DGKI: variants seen among roughly 807,000 people sequenced by gnomAD.
The protein encoded by DGKI is diacylglycerol kinase iota.
A neutral mutation model predicts 147.5 loss-of-function variants in DGKI; 55 were observed. The observed-to-expected ratio is 0.37, with a 90% CI of 0.30 to 0.47. The LOEUF is 0.47. Ranked by LOEUF, DGKI falls within the 20% of genes least tolerant of loss-of-function variation. The pLI is 1.00. For missense variants in DGKI, 1,007 were observed against 1,323.8 expected (o/e 0.76, Z 3.71); for synonymous variants, 469 against 477.1 (o/e 0.98, Z 0.22).
intron 26 of DGKI, among the ~76,000 whole-genome samples, chr7:137,464,256 CAAAAAAAAAAAAA>C (rs58290482): frequency 1.3e-4 from 6 of 47,758 alleles, no homozygotes; most frequent in East Asian, 6.7e-4. Flanking sequence ...GACTCCATCT[CAAAAAAAAAAAAA>C]AAAAAAAAAG....
intron 21 of DGKI, among the ~76,000 whole-genome samples, chr7:137,520,196 T>A (rs1448511563): frequency 6.6e-6 from 1 of 152,084 alleles, no homozygotes; most frequent in East Asian, 1.9e-4. Flanking sequence ...GCTAAAAATT[T>A]CAAATGTGTC....
intron 5 of DGKI, among the ~76,000 whole-genome samples, chr7:137,647,320 T>C (rs1821860721): frequency 6.6e-6 from 1 of 152,136 alleles, no homozygotes; most frequent in Non-Finnish European, 1.5e-5. Flanking sequence ...TCTCTCTGAC[T>C]CCTCCCTTGC....
intron 1 of DGKI, among the ~76,000 whole-genome samples, chr7:137,831,649 C>T (rs926590313): frequency 2.6e-5 from 4 of 152,208 alleles, no homozygotes; most frequent in African/African-American, 9.6e-5. Flanking sequence ...GGTGGGGACA[C>T]AGAGCCAAAC....
intron 30 of DGKI, among the ~76,000 whole-genome samples, chr7:137,403,938 G>T (rs1156242030): frequency 6.6e-6 from 1 of 151,790 alleles, no homozygotes; most frequent in Non-Finnish European, 1.5e-5. Context: ...GCCATAGTCT[G>T]GTATACATCC....
At chr7:137,488,565 G>A (rs561298507) in intron 21 of DGKI, among the ~76,000 whole-genome samples, 1 of 152,042 alleles carries the variant, frequency 6.6e-6, no homozygotes, top group East Asian at 1.9e-4. Context: ...ACAATTACAC[G>A]ATTAAATCCA....
intron 19 of DGKI, 29 bp from the exon 20 acceptor site, chr7:137,552,597 A>C (rs756593115): frequency 2.1e-5 from 34 of 1,611,164 alleles, no homozygotes; most frequent in Non-Finnish European, 2.9e-5. Context: ...AAGGGGAGCA[A>C]GGAGTTAGTT....
At chr7:137,549,046 T>C (rs1817958699) in intron 20 of DGKI, among the ~76,000 whole-genome samples, 1 of 151,868 alleles carries the variant, frequency 6.6e-6, no homozygotes, top group South Asian at 2.1e-4. Context: ...CTAACACAGG[T>C]GTATAGAAGT....
At chr7:137,785,952 G>A (rs140749228) in intron 1 of DGKI, among the ~76,000 whole-genome samples, 1,982 of 152,102 alleles carry the variant, frequency 0.013, 50 homozygotes, top group African/African-American at 0.044. Context: ...CAGCAAAATC[G>A]GCATAGAAGG....
At chr7:137,549,546 T>A (rs1333156890) in intron 20 of DGKI, among the ~76,000 whole-genome samples, 2 of 152,184 alleles carry the variant, frequency 1.3e-5, no homozygotes, top group East Asian at 1.9e-4. Context: ...TTTCGACTAG[T>A]TCTCCTCAAG....
intron 1 of DGKI, chr7:137,722,888 T>A: frequency 1.7e-6 from 1 of 594,122 alleles, no homozygotes. Context: ...GTTGACTACG[T>A]TAAAAAAAAA....
chr7:137,588,436 C>G (rs1644073626), intron 12 of DGKI, among the ~76,000 whole-genome samples: 1 of 149,978 alleles, frequency 6.7e-6, no homozygotes, highest in Non-Finnish European at 1.5e-5. Flanking sequence ...AGATTGCTCT[C>G]CAGGAGTTCA....
intron 1 of DGKI, chr7:137,722,196 G>C: frequency 6.2e-7 from 1 of 1,601,242 alleles, no homozygotes; most frequent in Non-Finnish European, 8.5e-7. Context: ...CCATGTACAA[G>C]AGGAAGTACT....
At chr7:137,775,849 A>T (rs1206167698) in intron 1 of DGKI, among the ~76,000 whole-genome samples, 2 of 152,124 alleles carry the variant, frequency 1.3e-5, no homozygotes, top group Non-Finnish European at 2.9e-5. Flanking sequence ...AGATGTCAAA[A>T]GTATATTCTT....
chr7:137,633,653 G>A (rs770886129), intron 6 of DGKI, among the ~76,000 whole-genome samples: 11 of 152,154 alleles, frequency 7.2e-5, no homozygotes, highest in Non-Finnish European at 1.3e-4. Flanking sequence ...AATGGTGCCT[G>A]AATATCACAA....
At chr7:137,554,332 A>C (rs1397038131) in intron 19 of DGKI, among the ~76,000 whole-genome samples, 3 of 152,184 alleles carry the variant, frequency 2.0e-5, no homozygotes, top group Non-Finnish European at 4.4e-5. Context: ...TAAGAGCCCT[A>C]ATAGAAAGCC....
At chr7:137,596,463 G>T (rs1191588509) in intron 12 of DGKI, among the ~76,000 whole-genome samples, 2 of 152,136 alleles carry the variant, frequency 1.3e-5, no homozygotes, top group Admixed American at 6.5e-5. Flanking sequence ...ACTAAAGAAA[G>T]TTGGGAAATT....
chr7:137,440,942 T>A (rs1287595693), intron 28 of DGKI, among the ~76,000 whole-genome samples: 3 of 152,188 alleles, frequency 2.0e-5, no homozygotes, highest in Non-Finnish European at 4.4e-5. Flanking sequence ...CTCCTCACCC[T>A]GATGTAATAA....
chr7:137,754,819 GCC>G (rs1172554418), intron 1 of DGKI, among the ~76,000 whole-genome samples: 1 of 152,144 alleles, frequency 6.6e-6, no homozygotes. Context: ...GACAGCCACA[GCC>G]CTGCTTGAGT....
chr7:137,463,041 T>C (rs1814510106), intron 27 of DGKI, among the ~76,000 whole-genome samples: 1 of 151,860 alleles, frequency 6.6e-6, no homozygotes, highest in South Asian at 2.1e-4. Flanking sequence ...CGTGGCAATA[T>C]TGGGTACAGC....
Sources: gnomAD v4.1 joint callset for allele counts (sites outside exome capture counted in the v4.1 genomes callset) on GRCh38, gnomAD v4.1.1 for gene constraint, MANE v1.5 for transcripts, NCBI Gene and HGNC (gene_info 2026-07-23, HGNC 2026-07-21) for gene names.